Variants in BSG observed in about 807,000 individuals in gnomAD.
BSG encodes basigin (Ok blood group), also known as basigin.
BSG carries 37 observed loss-of-function variants against 43.1 expected under a neutral mutation model. That is an observed-to-expected ratio of 0.86 (90% confidence interval 0.66 to 1.13). The LOEUF is 1.13. BSG is among the 50% of genes most tolerant of loss of function. The probability of loss-of-function intolerance (pLI) is 0.00; values close to 1 mark genes in which losing one functional copy is unlikely to be tolerated. For synonymous variants in BSG, 309 were observed against 238.7 expected (o/e 1.29, Z -2.72); for missense variants, 599 against 554.2 (o/e 1.08, Z -0.81).
chr19:582,282 T>G (rs1188477935), intron 6 of BSG, 24 bp from the exon 7 acceptor site: 2 of 1,605,396 alleles, frequency 1.2e-6, no homozygotes, highest in East Asian at 4.5e-5. Context: ...CGTCCTCTTT[T>G]TCATGGCGGC....
chr19:580,574 G>A (rs1982200194), intron 4 of BSG, 72 bp from the exon 5 acceptor site: 4 of 1,606,336 alleles, frequency 2.5e-6, no homozygotes, highest in Non-Finnish European at 3.4e-6. Flanking sequence ...GAGGGGAACA[G>A]CCCTCCTGCG....
chr19:580,312 G>T, intron 3 of BSG, 67 bp from the exon 4 acceptor site: 1 of 1,464,566 alleles, frequency 6.8e-7, no homozygotes, highest in South Asian at 1.2e-5. Context: ...GGCCCCTGGA[G>T]AACCCTGGGT....
chr19:579,265 GAAGGGGGTGC>G, intron 2 of BSG: 1 of 490,896 alleles, frequency 2.0e-6, no homozygotes, highest in South Asian at 2.8e-5. Flanking sequence ...GTGCCTTCCC[GAAGGGGGTGC>G]CTTCCCGAAG....
rs1047535264 is a variant in BSG, at chr19:577,764, C to T, written c.68-10C>T. On this transcript the variant is annotated splice_polypyrimidine_tract_variant and intron_variant, in intron 1 of 8. Coordinates refer to ENST00000333511, the MANE Select transcript of BSG (RefSeq NM_001728.4). ...GCACTAACAAGACCCCACGCGTGCT[C>T]TCCCCACAGCCGGCTTCGTCCAGGC... is the stretch of plus-strand genomic sequence containing the variant. 5 of 1,399,984 alleles carry T rather than the reference C, an allele frequency of 3.6e-6. No homozygotes were observed. The highest frequency in any genetic ancestry group is 1.5e-5 in the African/African-American group (1 of 68,464). The allele number at this position is 1,399,984 out of a possible 1,614,324, so 86.7% of individuals were successfully genotyped here. A position where few individuals can be genotyped will look rare whatever the true frequency, so the allele number is the denominator to read the frequency against.
In BSG at chr19:582,574, C is replaced by A; in HGVS notation, c.1155C>A (p.Ser385=). Residue 385 remains serine, a synonymous_variant, in exon 8 of 9, where the codon TCC becomes TCA. Coordinates refer to ENST00000333511, the MANE Select transcript of BSG (RefSeq NM_001728.4). ...AGAACGTCCGCCAGAGGAACTCTTC[C>A]TGAGGCAGGTGCGGTGGGCGGGAGC... ...KGKNVRQRNS[S] is the part of the protein sequence containing the mutation. 1 of 1,156,444 alleles carries A rather than the reference C, an allele frequency of 8.6e-7. No individual in the cohort carries two copies. Among genetic ancestry groups the A allele is most frequent in the Non-Finnish European group, 1.1e-6 (1 of 922,696 alleles). The allele number at this position is 1,156,444 out of a possible 1,614,324, so 71.6% of individuals were successfully genotyped here.
Position 578,002 on chromosome 19 carries a change from TGGA to T in BSG, c.303_305del (p.Glu101del). 6.2e-7 allele frequency: 1 copy of T among 1,612,068 alleles called. No individual in the cohort carries two copies. Among genetic ancestry groups the T allele is most frequent in the Non-Finnish European group, 8.5e-7 (1 of 1,179,640 alleles). Reference sequence around the variant, plus strand: ...AGCACCATCTCCATCGACACGCTCGTGGAGGAGGACACGGGCACTTACGAGTGC... The same window carrying T: ...AGCACCATCTCCATCGACACGCTCGTGGAGGACACGGGCACTTACGAGTGC... On this transcript the variant is annotated inframe_deletion, in exon 2 of 9. Coordinates refer to ENST00000333511, the MANE Select transcript of BSG (RefSeq NM_001728.4).
In BSG at chr19:580,592, G is replaced by A. The variant is rs552948152; in HGVS notation, c.656-54G>A. The A allele has an allele frequency of 1.8e-4, 286 of 1,608,592 alleles. 3 individuals are homozygous for A. The highest frequency in any genetic ancestry group is 1.5e-3 in the South Asian group (140 of 90,886). On this transcript the variant is annotated intron_variant, in intron 4 of 8. Transcript: ENST00000333511. ...GGGAACAGCCCTCCTGCGGGAGGCC[G>A]GGGATGGGGGCGGGCCTGCGGTTCC...
At chr19:571,321 C>T (rs1378125227), upstream of BSG, 3 of 590,982 alleles carry the variant, frequency 5.1e-6, no homozygotes, top group African/African-American at 3.7e-5. Flanking sequence ...GTTAGCCCTT[C>T]GCGTTCGGCT....
At chr19:576,675 T>C (rs2238543) in intron 1 of BSG, among the ~76,000 whole-genome samples, 96,275 of 151,408 alleles carry the variant, frequency 0.64, 33,019 homozygotes, top group African/African-American at 0.9. Flanking sequence ...GCAGGAGAAT[T>C]GCTTGAACCC....
At chr19:574,822 C>T (rs916499544) in intron 1 of BSG, among the ~76,000 whole-genome samples, 5 of 152,210 alleles carry the variant, frequency 3.3e-5, no homozygotes, top group African/African-American at 9.7e-5. Context: ...GGCCTGGCCC[C>T]AGCACTGCGG....
In BSG at chr19:579,589, C is replaced by T. The variant is rs761944450; in HGVS notation, c.505C>T (p.His169Tyr). 6 of 1,612,568 alleles carry T rather than the reference C, an allele frequency of 3.7e-6. No homozygotes were observed. The African/African-American group carries it at 8.0e-5, about 22-fold the overall frequency. The change falls in exon 3 of 9, where the codon CAC becomes TAC. Residue 169 changes from histidine (H) to tyrosine (Y), a missense_variant. Physicochemically the swap from His to Tyr is moderately conservative, Grantham distance 83 (BLOSUM62 2). Coordinates refer to ENST00000333511, the MANE Select transcript of BSG (RefSeq NM_001728.4). ...LNDSATEVTG[H>Y]RWLKGGVVLK... ...TGACAGCGCCACAGAGGTCACAGGG[C>T]ACCGCTGGCTGAAGGGGGGCGTGGT...
At chr19:576,447 A>T (rs1981777849) in intron 1 of BSG, among the ~76,000 whole-genome samples, 1 of 152,192 alleles carries the variant, frequency 6.6e-6, no homozygotes, top group Non-Finnish European at 1.5e-5. Context: ...GTAGGTTACC[A>T]GGAGGAGATC....
chr19:571,882 A>C, upstream of BSG: 2 of 451,068 alleles, frequency 4.4e-6, no homozygotes, highest in Non-Finnish European at 8.0e-6. Flanking sequence ...CTGCGAGGAA[A>C]GAAGAAGGGG....
intron 2 of BSG, chr19:578,796 T>G: frequency 2.9e-6 from 1 of 347,502 alleles, no homozygotes; most frequent in Non-Finnish European, 5.7e-6. Flanking sequence ...GGTGGCACAA[T>G]CTCGGCTCAC....
rs753931040 is a variant in BSG at position 582,507 on chromosome 19, G to A, written c.1095-7G>A. 1.1e-5 allele frequency: 18 copies of A among 1,607,440 alleles called. No homozygotes were observed. The South Asian group carries it at 1.9e-4, about 17-fold the overall frequency. On this transcript the variant is annotated splice_polypyrimidine_tract_variant and splice_region_variant and intron_variant, in intron 7 of 8. Coordinates refer to ENST00000333511, the MANE Select transcript of BSG (RefSeq NM_001728.4). ...GACACCCTCTCACCCGGCCCCTCGT[G>A]CCCCAGGAAGAGCAGCGGGCAGCAC...
intron 1 of BSG, 140 bp downstream of exon 1, chr19:572,841 C>A: frequency 9.5e-7 from 1 of 1,048,664 alleles, no homozygotes; most frequent in Non-Finnish European, 1.2e-6. Context: ...CGGGGGCTTC[C>A]CGCGCCAGCA....
intron 1 of BSG, chr19:575,487 C>T (rs1981683279): frequency 6.6e-6 from 1 of 151,700 alleles, no homozygotes; most frequent in Non-Finnish European, 1.5e-5. Context: ...GGCTTCACCC[C>T]CGAGCCTCAG....
At chr19:582,000 C>T (rs995995043) in intron 6 of BSG, among the ~76,000 whole-genome samples, 4 of 152,256 alleles carry the variant, frequency 2.6e-5, no homozygotes, top group Admixed American at 6.5e-5. Flanking sequence ...CTGCGTGTGC[C>T]GGGGCGAGGC....
chr19:577,771 C>T lies in BSG; in HGVS notation c.68-3C>T. 7.1e-7 allele frequency: 1 copy of T among 1,413,820 alleles called. No individual in the cohort carries two copies. Among genetic ancestry groups the T allele is most frequent in the Non-Finnish European group, 9.2e-7 (1 of 1,082,140 alleles). 87.6% of individuals were successfully genotyped at this position (1,413,820 alleles called of 1,614,324 possible). On this transcript the variant is annotated splice_region_variant and splice_polypyrimidine_tract_variant and intron_variant, in intron 1 of 8. Coordinates refer to ENST00000333511, the MANE Select transcript of BSG (RefSeq NM_001728.4). ...CAAGACCCCACGCGTGCTCTCCCCA[C>T]AGCCGGCTTCGTCCAGGCGCCGCTG...
Sources: allele counts gnomAD v4.1 joint callset (sites outside exome capture counted in the v4.1 genomes callset), GRCh38; gene constraint gnomAD v4.1.1; transcripts MANE v1.5; gene names NCBI Gene and HGNC (gene_info 2026-07-23, HGNC 2026-07-21).